TMEM131: variants seen among roughly 807,000 people sequenced by gnomAD.
TMEM131 encodes the protein 2610524E03Rik.
TMEM131 carries 66 observed loss-of-function variants against 211.6 expected under a neutral mutation model. The observed-to-expected ratio is 0.31, with a 90% CI of 0.26 to 0.38. The LOEUF (loss-of-function observed/expected upper bound fraction) is 0.38, where lower values mean the gene tolerates loss of function less well. Among genes scored for constraint, TMEM131 ranks in the 10% least tolerant of loss-of-function variants. The pLI is 1.00. For synonymous variants in TMEM131, 844 were observed against 841.3 expected, an observed-to-expected ratio of 1.00 and a Z score of -0.06; for missense variants, 2,036 against 2,299.3, an observed-to-expected ratio of 0.89 and a Z score of 2.34.
rs992928724 is a variant in TMEM131 at position 97,756,833 on chromosome 2, G to T, written c.*266C>A. On this transcript the variant is annotated 3_prime_UTR_variant, in exon 41 of 41. Coordinates refer to ENST00000186436, the MANE Select transcript of TMEM131 (RefSeq NM_015348.2). ...GTGGTGAAAACGCAGTAACGGGAAA[G>T]GTTCTCAGATGTACAGGTCTTATTA... The T allele has an allele frequency of 6.3e-5, 19 of 303,644 alleles. No homozygotes were observed. The highest frequency in any genetic ancestry group is 3.9e-4 in the African/African-American group (18 of 46,630). The allele number at this position is 303,644 out of a possible 1,614,324, so 18.8% of individuals were successfully genotyped here.
chr2:97,795,759 A>G (rs1277673328), intron 28 of TMEM131, among the ~76,000 whole-genome samples: 1 of 152,220 alleles, frequency 6.6e-6, no homozygotes, highest in Non-Finnish European at 1.5e-5. Flanking sequence ...ATTAATTGTT[A>G]AAATATGCTG....
In TMEM131 at chr2:97,956,270, T is replaced by C. The variant is rs1172522925; in HGVS notation, c.188-28783A>G. 2.6e-5 allele frequency among the ~76,000 whole-genome samples: 4 copies of C among 152,190 alleles called. No homozygotes were observed. The East Asian group carries it at 5.8e-4, about 22-fold the overall frequency. ...CTGGAGGAATTTTTTCAATTTTCAA[T>C]AAATGGTGCTAGAGCAACTGGACAT... On this transcript the variant is annotated intron_variant, in intron 1 of 40. Coordinates refer to ENST00000186436, the MANE Select transcript of TMEM131 (RefSeq NM_015348.2).
At chr2:97,909,042 G>A (rs942522866) in intron 2 of TMEM131, among the ~76,000 whole-genome samples, 1 of 152,130 alleles carries the variant, frequency 6.6e-6, no homozygotes, top group Non-Finnish European at 1.5e-5. Flanking sequence ...CCACTGTCAT[G>A]GAACTCAAGG....
intron 22 of TMEM131, among the ~76,000 whole-genome samples, chr2:97,804,127 A>G (rs915609441): frequency 2.0e-5 from 3 of 152,230 alleles, no homozygotes; most frequent in Admixed American, 6.5e-5. Flanking sequence ...ATATATTTCA[A>G]ATTAGCAGCT....
chr2:97,863,817 G>A (rs1674160876), intron 4 of TMEM131, among the ~76,000 whole-genome samples: 1 of 152,154 alleles, frequency 6.6e-6, no homozygotes, highest in Non-Finnish European at 1.5e-5. Context: ...ACAGTTTGGA[G>A]GTTCCTCAAA....
At chr2:97,919,447 A>G (rs181232663) in intron 2 of TMEM131, among the ~76,000 whole-genome samples, 1 of 152,112 alleles carries the variant, frequency 6.6e-6, no homozygotes, top group Non-Finnish European at 1.5e-5. Flanking sequence ...TTTTCAGTAA[A>G]TTTTATTATA....
rs1364104920 is a variant in TMEM131 at position 97,756,349 on chromosome 2, A to C, written c.*750T>G. On this transcript the variant is annotated 3_prime_UTR_variant, in exon 41 of 41. Coordinates refer to ENST00000186436, the MANE Select transcript of TMEM131 (RefSeq NM_015348.2). ...ACAAAACAAGGCTTTTGAAAAAAGC[A>C]TCATTTATTTCAAAGTACAACACAA... 6.6e-6 allele frequency: 1 copy of C among 152,260 alleles called. No individual in the cohort carries two copies. Among genetic ancestry groups the C allele is most frequent in the Non-Finnish European group, 1.5e-5 (1 of 68,046 alleles). 9.4% of individuals were successfully genotyped at this position (152,260 alleles called of 1,614,324 possible). A position where few individuals can be genotyped will look rare whatever the true frequency, so the allele number is the denominator to read the frequency against.
rs369583272 is a variant in TMEM131 at position 97,800,938 on chromosome 2, T to C, written c.2718+957A>G. On this transcript the variant is annotated intron_variant, in intron 25 of 40. Transcript: ENST00000186436. ...CAAGACTGTCTAAACTTTAGTCTAG[T>C]GTCCCAGCCATTATTTGACAGAAAA... 1.4e-4 allele frequency among the ~76,000 whole-genome samples: 21 copies of C among 152,340 alleles called. No homozygotes were observed. In the East Asian group the frequency reaches 2.7e-3, roughly 20 times the overall value.
chr2:97,859,605 C>A (rs1053300058), intron 4 of TMEM131, among the ~76,000 whole-genome samples, 178 bp from the exon 5 acceptor site: 2 of 152,104 alleles, frequency 1.3e-5, no homozygotes, highest in Non-Finnish European at 2.9e-5. Context: ...ATAAATATTT[C>A]CTGAGTGCCA....
intron 35 of TMEM131, chr2:97,763,328 G>A (rs1392426784): frequency 6.5e-6 from 1 of 152,760 alleles, no homozygotes; most frequent in Non-Finnish European, 1.5e-5. Context: ...GGAAGCCCGT[G>A]CTCTCCACTC....
At chr2:97,915,462 G>A (rs1411345535) in intron 2 of TMEM131, among the ~76,000 whole-genome samples, 1 of 152,020 alleles carries the variant, frequency 6.6e-6, no homozygotes, top group Non-Finnish European at 1.5e-5. Flanking sequence ...TGGGACTACA[G>A]GTGCACACCA....
At chr2:97,845,327 C>T (rs1021929941) in intron 5 of TMEM131, among the ~76,000 whole-genome samples, 1 of 152,092 alleles carries the variant, frequency 6.6e-6, no homozygotes, top group Middle Eastern at 3.4e-3. Flanking sequence ...CATGTTTACA[C>T]ATTGCTAGAG....
intron 2 of TMEM131, among the ~76,000 whole-genome samples, chr2:97,913,342 C>T (rs2104388802): frequency 6.6e-6 from 1 of 152,292 alleles, no homozygotes; most frequent in African/African-American, 2.4e-5. Context: ...CATCTCCTTG[C>T]CTTTTAATTC....
intron 32 of TMEM131, among the ~76,000 whole-genome samples, chr2:97,775,398 G>A (rs538202165): frequency 1.3e-4 from 20 of 152,160 alleles, no homozygotes; most frequent in Non-Finnish European, 2.8e-4. Context: ...GGGAGTAAGC[G>A]GCCACCAAAA....
chr2:97,932,055 G>C (rs1677244410), intron 1 of TMEM131, among the ~76,000 whole-genome samples: 1 of 151,500 alleles, frequency 6.6e-6, no homozygotes, highest in African/African-American at 2.4e-5. Context: ...TAATGACATT[G>C]TGCTTGAGCC....
chr2:97,820,680 A>C (rs1682072430), intron 11 of TMEM131, among the ~76,000 whole-genome samples: 1 of 152,106 alleles, frequency 6.6e-6, no homozygotes. Flanking sequence ...AAGATGGTGA[A>C]AGCTCGTCTC....
intron 1 of TMEM131, among the ~76,000 whole-genome samples, chr2:97,968,954 G>A (rs1456045568): frequency 6.6e-6 from 1 of 151,692 alleles, no homozygotes; most frequent in Non-Finnish European, 1.5e-5. Context: ...GCCTGGAGGC[G>A]CACCTCTAGT....
At chr2:97,887,069 G>C (rs979202421) in intron 4 of TMEM131, among the ~76,000 whole-genome samples, 1 of 152,150 alleles carries the variant, frequency 6.6e-6, no homozygotes, top group Admixed American at 6.5e-5. Flanking sequence ...GTGACCCATG[G>C]GGCTGTTTCT....
chr2:97,928,849 G>C (rs1375184807), intron 1 of TMEM131, among the ~76,000 whole-genome samples: 1 of 151,686 alleles, frequency 6.6e-6, no homozygotes, highest in East Asian at 1.9e-4. Context: ...AAATGATCCA[G>C]GTGGTAATGG....
Sources: allele counts gnomAD v4.1 joint callset (sites outside exome capture counted in the v4.1 genomes callset), GRCh38; gene constraint gnomAD v4.1.1; transcripts MANE v1.5; gene names NCBI Gene and HGNC (gene_info 2026-07-23, HGNC 2026-07-21).